NFIA: variants seen among roughly 807,000 people sequenced by gnomAD.
The protein encoded by NFIA is nuclear factor 1 A-type.
A neutral mutation model predicts 62.8 loss-of-function variants in NFIA; 8 were observed. The observed-to-expected ratio is 0.13, with a 90% CI of 0.07 to 0.23. The LOEUF is 0.23. Ranked by LOEUF, NFIA falls within the 10% of genes least tolerant of loss-of-function variation. The probability of loss-of-function intolerance (pLI) is 1.00; values close to 1 mark genes in which losing one functional copy is unlikely to be tolerated. For missense variants in NFIA, 410 were observed against 642.1 expected (o/e 0.64, Z 3.91); for synonymous variants, 235 against 238.1 (o/e 0.99, Z 0.12).
At position 61,325,184 on chromosome 1, in the gene NFIA, G is replaced by T. The variant is rs147101198; in HGVS notation, c.626-7328G>T. ...TTGGGACCTTTTGGGAGTGTTTAATGTGCTTTCCAATGGAGGATCTTTCAA... is the reference window on the plus strand; with the variant it reads ...TTGGGACCTTTTGGGAGTGTTTAATTTGCTTTCCAATGGAGGATCTTTCAA... On this transcript the variant is annotated intron_variant, in intron 3 of 10. Coordinates refer to ENST00000403491, the MANE Select transcript of NFIA (RefSeq NM_001134673.4). 3.7e-3 allele frequency among the ~76,000 whole-genome samples: 565 copies of T among 152,282 alleles called. 5 individuals carry two copies. The highest frequency in any genetic ancestry group is 0.013 in the African/African-American group (544 of 41,550).
At chr1:61,406,906 A>G (rs545499626) in intron 9 of NFIA, among the ~76,000 whole-genome samples, 179 bp downstream of exon 9, 1 of 152,336 alleles carries the variant, frequency 6.6e-6, no homozygotes, top group Non-Finnish European at 1.5e-5. Flanking sequence ...GTACTCCACC[A>G]GATGAGGAAA....
chr1:61,198,835 A>C (rs1182466607), intron 2 of NFIA, among the ~76,000 whole-genome samples: 1 of 152,110 alleles, frequency 6.6e-6, no homozygotes, highest in East Asian at 1.9e-4. Flanking sequence ...AGCACATGGC[A>C]CCCTAATTAA....
intron 2 of NFIA, among the ~76,000 whole-genome samples, chr1:61,144,971 T>A (rs1647820786): frequency 2.0e-5 from 3 of 152,212 alleles, no homozygotes; most frequent in Admixed American, 2.0e-4. Context: ...GTTTAGCCAC[T>A]GCTTTTACTT....
chr1:61,241,343 G>A lies in NFIA; in HGVS notation c.560-36177G>A, dbSNP rs78169627. On this transcript the variant is annotated intron_variant, in intron 2 of 10. Coordinates refer to ENST00000403491, the MANE Select transcript of NFIA (RefSeq NM_001134673.4). ...GGTTAAAGAATTAGATTTTTAAGCT[G>A]CTTTCGTGCAATGTATTTAAGTTAA... 1.6e-3 allele frequency among the ~76,000 whole-genome samples: 240 copies of A among 152,186 alleles called. 1 individual carries two copies. The highest frequency in any genetic ancestry group is 5.5e-3 in the African/African-American group (228 of 41,518).
chr1:61,315,336 G>A (rs999669558), intron 3 of NFIA, among the ~76,000 whole-genome samples: 1 of 152,182 alleles, frequency 6.6e-6, no homozygotes, highest in African/African-American at 2.4e-5. Flanking sequence ...GCTTTTCTCT[G>A]TGTGGGTTTT....
intron 2 of NFIA, chr1:61,132,653 G>A (rs1301427410): frequency 3.9e-5 from 6 of 152,198 alleles, no homozygotes; most frequent in Admixed American, 2.6e-4. Flanking sequence ...AGGGATGGAA[G>A]AAGAAAAGAA....
chr1:61,307,052 A>T (rs1659841396), intron 3 of NFIA, among the ~76,000 whole-genome samples: 1 of 152,212 alleles, frequency 6.6e-6, no homozygotes, highest in Non-Finnish European at 1.5e-5. Context: ...ACCTATTTAA[A>T]TTAAAGCTGT....
intron 2 of NFIA, among the ~76,000 whole-genome samples, chr1:61,251,719 T>C (rs966817790): frequency 2.0e-5 from 3 of 152,208 alleles, no homozygotes; most frequent in African/African-American, 7.2e-5. Flanking sequence ...GATGTTAAAA[T>C]GGCAGTTGAT....
chr1:61,175,559 A>G (rs193269172), intron 2 of NFIA, among the ~76,000 whole-genome samples: 50 of 152,372 alleles, frequency 3.3e-4, no homozygotes, highest in South Asian at 2.1e-4. Flanking sequence ...ACCAAATGGT[A>G]TTTAGCAAGG....
chr1:61,397,846 C>T (rs546670582), intron 7 of NFIA, among the ~76,000 whole-genome samples: 2 of 152,148 alleles, frequency 1.3e-5, no homozygotes, highest in Admixed American at 6.5e-5. Flanking sequence ...CGCACACACA[C>T]GGATGTGGTC....
intron 2 of NFIA, among the ~76,000 whole-genome samples, chr1:61,096,347 G>A (rs1646412627): frequency 6.6e-6 from 1 of 151,664 alleles, no homozygotes; most frequent in Admixed American, 6.6e-5. Context: ...CCGAATAGCT[G>A]TGATTACAGG....
chr1:61,356,130 G>A (rs1014398055), intron 5 of NFIA, among the ~76,000 whole-genome samples: 9 of 152,182 alleles, frequency 5.9e-5, no homozygotes, highest in African/African-American at 2.2e-4. Context: ...CATGTCACAT[G>A]TATTTGTATG....
intron 2 of NFIA, among the ~76,000 whole-genome samples, chr1:61,183,383 A>G (rs1334940421): frequency 1.3e-5 from 2 of 152,206 alleles, no homozygotes; most frequent in East Asian, 1.9e-4. Context: ...TAGTGGTGGC[A>G]GGGTGGTTTG....
intron 2 of NFIA, among the ~76,000 whole-genome samples, chr1:61,242,119 T>G (rs1269287405): frequency 6.6e-6 from 1 of 152,152 alleles, no homozygotes; most frequent in Non-Finnish European, 1.5e-5. Flanking sequence ...CTTAGCAGAT[T>G]GAAATAAAAT....
intron 2 of NFIA, among the ~76,000 whole-genome samples, chr1:61,192,102 G>C (rs1396119572): frequency 1.3e-5 from 2 of 152,076 alleles, no homozygotes; most frequent in East Asian, 3.9e-4. Flanking sequence ...GGGACTACAG[G>C]TGCGTGACAC....
Position 61,088,198 on chromosome 1 carries a change from T to C in NFIA, c.77T>C (p.Phe26Ser). The C allele has an allele frequency of 6.2e-7, 1 of 1,613,676 alleles. No individual in the cohort carries two copies. The change falls in exon 2 of 11, where the codon TTT becomes TCT. Residue 26 changes from phenylalanine to serine, a missense_variant. By Grantham distance (155) the Phe-to-Ser change is radical. This residue lies in a region of NFIA where 86 missense variants were observed against 124.6 expected (regional missense o/e 0.69). Transcript: ENST00000403491. This position sits in a 1 kb window ranked among gnomAD's most constrained non-coding sequence, Gnocchi z 4.5. ...GCACTTCTGCCCCACGTCCGAGCCT[T>C]TGCCTACACATGGTTCAACCTGCAG... ...IEALLPHVRA[F>S]AYTWFNLQAR... is the part of the protein sequence containing the mutation.
chr1:61,260,680 A>T (rs1322836403), intron 2 of NFIA, among the ~76,000 whole-genome samples: 1 of 152,148 alleles, frequency 6.6e-6, no homozygotes, highest in Non-Finnish European at 1.5e-5. Flanking sequence ...TCCCGGGTTC[A>T]TGCCATTCTC....
intron 2 of NFIA, among the ~76,000 whole-genome samples, chr1:61,165,243 T>C (rs1649492045): frequency 6.6e-6 from 1 of 152,218 alleles, no homozygotes; most frequent in African/African-American, 2.4e-5. Context: ...TTAGTTGTTT[T>C]TATTCTGAGA....
At chr1:61,322,756 A>AT (rs750900462) in intron 3 of NFIA, among the ~76,000 whole-genome samples, 1 of 152,122 alleles carries the variant, frequency 6.6e-6, no homozygotes, top group Non-Finnish European at 1.5e-5. Flanking sequence ...AAAAACATGA[A>AT]TTTTATATAA....
Sources: allele counts gnomAD v4.1 joint callset (sites outside exome capture counted in the v4.1 genomes callset), GRCh38; gene constraint gnomAD v4.1.1; regional missense constraint gnomAD v4.1.1; non-coding constraint Gnocchi (gnomAD v3.1); transcripts MANE v1.5; gene names NCBI Gene and HGNC (gene_info 2026-07-23, HGNC 2026-07-21).